Variants in PCSK2 observed in about 807,000 individuals in gnomAD.
PCSK2 encodes neuroendocrine convertase 2.
Under a neutral mutation model 69.7 loss-of-function variants are expected in PCSK2, and 14 were observed. The ratio of observed to expected loss-of-function variants is 0.20; its 90% CI spans 0.13 to 0.31. The LOEUF is 0.31. Among genes scored for constraint, PCSK2 ranks in the 10% least tolerant of loss-of-function variants. PCSK2 has a pLI of 1.00. For missense variants in PCSK2, 544 were observed against 842.5 expected (o/e 0.65, Z 4.39); for synonymous variants, 307 against 320.7 (o/e 0.96, Z 0.46).
At chr20:17,280,819 C>T (rs1461337525) in intron 2 of PCSK2, among the ~76,000 whole-genome samples, 1 of 152,198 alleles carries the variant, frequency 6.6e-6, no homozygotes, top group Non-Finnish European at 1.5e-5. Flanking sequence ...GCATATCTGA[C>T]AGTGTGTGGC....
intron 2 of PCSK2, among the ~76,000 whole-genome samples, chr20:17,322,091 T>C (rs1989885498): frequency 6.6e-6 from 1 of 152,038 alleles, no homozygotes; most frequent in Non-Finnish European, 1.5e-5. Flanking sequence ...TTTTATTCAA[T>C]CTTATCTACT....
chr20:17,473,481 T>C (rs117251495), intron 11 of PCSK2, among the ~76,000 whole-genome samples: 3,689 of 152,332 alleles, frequency 0.024, 65 homozygotes, highest in Non-Finnish European at 0.036. Flanking sequence ...CCTGTGACTA[T>C]TTAAAATGTT....
At chr20:17,434,187 T>A (rs2032436017) in intron 7 of PCSK2, among the ~76,000 whole-genome samples, 1 of 12,520 alleles carries the variant, frequency 8.0e-5, no homozygotes, top group Non-Finnish European at 1.5e-4. Flanking sequence ...TCCCTCTATC[T>A]ACGCTCTCTC....
chr20:17,243,882 A>G (rs548802119), intron 1 of PCSK2, among the ~76,000 whole-genome samples: 1 of 151,788 alleles, frequency 6.6e-6, no homozygotes, highest in Non-Finnish European at 1.5e-5. Flanking sequence ...AGACTAAGAA[A>G]CTCTTCCAAA....
chr20:17,337,520 C>A (rs976215034), intron 2 of PCSK2, among the ~76,000 whole-genome samples: 3 of 152,006 alleles, frequency 2.0e-5, no homozygotes, highest in Non-Finnish European at 2.9e-5. Flanking sequence ...TTACTGCAAA[C>A]CAGAAAATAA....
chr20:17,316,098 A>G (rs1989681109), intron 2 of PCSK2, among the ~76,000 whole-genome samples: 2 of 152,298 alleles, frequency 1.3e-5, no homozygotes, highest in South Asian at 4.1e-4. Flanking sequence ...CATAGGTCAG[A>G]TGGATCTCAG....
chr20:17,417,599 G>A (rs1327965341), intron 6 of PCSK2, among the ~76,000 whole-genome samples: 1 of 152,224 alleles, frequency 6.6e-6, no homozygotes, highest in Non-Finnish European at 1.5e-5. Context: ...CTGGTGAGGT[G>A]AAGCTCAAGT....
At chr20:17,282,012 A>G (rs993455848) in intron 2 of PCSK2, among the ~76,000 whole-genome samples, 1 of 152,056 alleles carries the variant, frequency 6.6e-6, no homozygotes, top group Non-Finnish European at 1.5e-5. Flanking sequence ...CACACAATCC[A>G]TAACAGTTCT....
At chr20:17,240,838 C>T (rs1359138470) in intron 1 of PCSK2, among the ~76,000 whole-genome samples, 1 of 152,112 alleles carries the variant, frequency 6.6e-6, no homozygotes, top group Non-Finnish European at 1.5e-5. Context: ...ATAGGAGTGT[C>T]ACACAATCTA....
At chr20:17,277,594 T>C (rs75927935) in intron 2 of PCSK2, among the ~76,000 whole-genome samples, 2 of 149,050 alleles carry the variant, frequency 1.3e-5, no homozygotes, top group South Asian at 2.1e-4. Context: ...ACTTAAATGT[T>C]AGACCTAAAA....
At chr20:17,386,064 G>T (rs565548194) in intron 5 of PCSK2, among the ~76,000 whole-genome samples, 4 of 152,138 alleles carry the variant, frequency 2.6e-5, no homozygotes, top group Non-Finnish European at 5.9e-5. Context: ...TATGGATGGG[G>T]CATCTAATAG....
In PCSK2 at chr20:17,259,485, AGCCACATCCAG is replaced by A. The variant is rs140883179; in HGVS notation, c.178-751_178-741del. Reference sequence around the variant, plus strand: ...AATCATACTGATGGTAACAGACCTGAGCCACATCCAGGCCTCCAAACTCCCAGGTCAAGGCT... The same window carrying A: ...AATCATACTGATGGTAACAGACCTGAGCCTCCAAACTCCCAGGTCAAGGCT... On this transcript the variant is annotated intron_variant, in intron 1 of 11. Transcript: ENST00000262545. Among the ~76,000 whole-genome samples, 4 of 152,302 alleles carry A rather than the reference AGCCACATCCAG, an allele frequency of 2.6e-5. No homozygotes were observed. The East Asian group carries it at 7.7e-4, about 29-fold the overall frequency.
chr20:17,367,241 AT>A (rs1371270925), intron 4 of PCSK2, among the ~76,000 whole-genome samples: 1 of 152,174 alleles, frequency 6.6e-6, no homozygotes, highest in East Asian at 1.9e-4. Context: ...CCAAGTGGAT[AT>A]TTTTTAATGT....
intron 2 of PCSK2, among the ~76,000 whole-genome samples, chr20:17,276,475 CACACAT>C (rs1988082567): frequency 2.0e-5 from 3 of 151,794 alleles, no homozygotes; most frequent in Admixed American, 6.6e-5. Flanking sequence ...CACACACACA[CACACAT>C]ACCATGTTTA....
intron 1 of PCSK2, among the ~76,000 whole-genome samples, chr20:17,244,138 T>G (rs1460222716): frequency 6.6e-6 from 1 of 152,182 alleles, no homozygotes; most frequent in East Asian, 1.9e-4. Context: ...ACCAAAGTAA[T>G]ACGTATATGT....
intron 7 of PCSK2, among the ~76,000 whole-genome samples, chr20:17,436,158 G>A (rs895817146): frequency 6.6e-6 from 1 of 152,148 alleles, no homozygotes; most frequent in African/African-American, 2.4e-5. Flanking sequence ...CTGCCTTTCT[G>A]TCCTCTCCGA....
intron 10 of PCSK2, among the ~76,000 whole-genome samples, chr20:17,461,603 T>G (rs563379243): frequency 6.6e-6 from 1 of 152,362 alleles, no homozygotes; most frequent in Non-Finnish European, 1.5e-5. Flanking sequence ...CAGCATCATC[T>G]TTAAAACATT....
intron 6 of PCSK2, among the ~76,000 whole-genome samples, chr20:17,411,671 C>A (rs1402038266): frequency 6.6e-6 from 1 of 152,222 alleles, no homozygotes. Context: ...GTGGTTCTCC[C>A]AGCATGGCAT....
At chr20:17,414,970 T>C (rs973833658) in intron 6 of PCSK2, among the ~76,000 whole-genome samples, 16 of 152,312 alleles carry the variant, frequency 1.1e-4, no homozygotes, top group Middle Eastern at 3.4e-3. Flanking sequence ...AAAAGGCCTT[T>C]GACAAAATTC....
Sources: gnomAD v4.1 joint callset for allele counts (sites outside exome capture counted in the v4.1 genomes callset) on GRCh38, gnomAD v4.1.1 for gene constraint, MANE v1.5 for transcripts, NCBI Gene and HGNC (gene_info 2026-07-23, HGNC 2026-07-21) for gene names.